Variants in FILIP1L observed in about 807,000 individuals in gnomAD.
FILIP1L encodes filamin A interacting protein 1 like, also known as filamin A-interacting protein 1-like.
FILIP1L carries 55 observed loss-of-function variants against 96.6 expected under a neutral mutation model. The observed-to-expected ratio is 0.57, with a 90% CI of 0.46 to 0.71. FILIP1L has a LOEUF of 0.71. Among genes scored for constraint, FILIP1L ranks in the 30% least tolerant of loss-of-function variants. The pLI is 0.00. For synonymous variants in FILIP1L, 467 were observed against 473.9 expected, an observed-to-expected ratio of 0.99 and a Z score of 0.19; for missense variants, 1,304 against 1,321.2, an observed-to-expected ratio of 0.99 and a Z score of 0.20.
At chr3:100,102,145 A>T (rs1398403619) in intron 1 of FILIP1L, among the ~76,000 whole-genome samples, 3 of 152,170 alleles carry the variant, frequency 2.0e-5, no homozygotes, top group African/African-American at 7.2e-5. Context: ...CAGTAATGGG[A>T]TTGCTGGGTC....
At chr3:100,005,096 T>C (rs1343189989) in intron 1 of FILIP1L, among the ~76,000 whole-genome samples, 1 of 152,158 alleles carries the variant, frequency 6.6e-6, no homozygotes, top group Non-Finnish European at 1.5e-5. Context: ...CTCTTATGAA[T>C]AGGAAAGCCA....
chr3:99,895,062 T>TA (rs1364830132), intron 4 of FILIP1L, among the ~76,000 whole-genome samples: 2 of 152,092 alleles, frequency 1.3e-5, no homozygotes, highest in African/African-American at 4.8e-5. Flanking sequence ...GCTCTGGAAA[T>TA]ACTCTTGCCC....
rs80153658 is a variant in FILIP1L, at chr3:99,873,789, C to T, written c.606-22719G>A. Among the ~76,000 whole-genome samples the T allele has an allele frequency of 4.4e-3, 664 of 152,266 alleles. 6 individuals carry two copies. The highest frequency in any genetic ancestry group is 0.016 in the African/African-American group (651 of 41,556). On this transcript the variant is annotated intron_variant, in intron 4 of 5. Transcript: ENST00000477258. ...TCAAGGCTTGATTTGTGTTTTCATA[C>T]TGGCTGTTACTATAGTCTCCATCAC...
chr3:100,052,528 G>A (rs1376229296), intron 1 of FILIP1L, among the ~76,000 whole-genome samples: 2 of 152,136 alleles, frequency 1.3e-5, no homozygotes, highest in Admixed American at 6.5e-5. Flanking sequence ...GAACCTCTAA[G>A]TGAAACTGAT....
At chr3:99,989,985 C>T (rs924412365) in intron 1 of FILIP1L, among the ~76,000 whole-genome samples, 7 of 152,122 alleles carry the variant, frequency 4.6e-5, no homozygotes, top group African/African-American at 1.7e-4. Context: ...GCAATAATGC[C>T]AGTGGTTTAT....
chr3:100,018,064 C>T (rs1710396275), intron 1 of FILIP1L, among the ~76,000 whole-genome samples: 1 of 151,798 alleles, frequency 6.6e-6, no homozygotes, highest in South Asian at 2.1e-4. Context: ...TCCAGGGGCT[C>T]ACGCCTGTAA....
intron 1 of FILIP1L, among the ~76,000 whole-genome samples, chr3:99,937,467 A>G (rs1343239378): frequency 2.6e-5 from 4 of 152,214 alleles, no homozygotes; most frequent in African/African-American, 9.7e-5. Context: ...ACATGTCTTA[A>G]TAGAAAGAGT....
At chr3:100,026,508 C>G (rs1013733659) in intron 1 of FILIP1L, among the ~76,000 whole-genome samples, 4 of 152,002 alleles carry the variant, frequency 2.6e-5, no homozygotes, top group African/African-American at 9.7e-5. Context: ...TTGACCAGAT[C>G]TTCCAGTATT....
At chr3:99,905,835 G>C (rs1706598255) in intron 4 of FILIP1L, among the ~76,000 whole-genome samples, 1 of 152,192 alleles carries the variant, frequency 6.6e-6, no homozygotes, top group South Asian at 2.1e-4. Context: ...AATTTACATT[G>C]CCATCAGAAA....
intron 5 of FILIP1L, among the ~76,000 whole-genome samples, chr3:99,832,379 C>T (rs1478275497): frequency 6.6e-6 from 1 of 150,924 alleles, no homozygotes; most frequent in Non-Finnish European, 1.5e-5. Flanking sequence ...CACAGGCGAC[C>T]GCCACCACGC....
intron 4 of FILIP1L, among the ~76,000 whole-genome samples, chr3:99,883,214 A>AT (rs1448140529): frequency 1.3e-5 from 2 of 152,274 alleles, no homozygotes; most frequent in Admixed American, 6.5e-5. Flanking sequence ...AGCTCCAGAG[A>AT]TTTTTTACTT....
At chr3:99,983,502 ATATATATG>A (rs1328190251) in intron 1 of FILIP1L, among the ~76,000 whole-genome samples, 9 of 112,982 alleles carry the variant, frequency 8.0e-5, no homozygotes, top group African/African-American at 2.9e-4. Flanking sequence ...ATATATATAT[ATATATATG>A]TATATATATA....
chr3:99,909,793 A>G (rs1245340432), intron 4 of FILIP1L, among the ~76,000 whole-genome samples: 1 of 152,176 alleles, frequency 6.6e-6, no homozygotes, highest in Admixed American at 6.5e-5. Context: ...TTTTTATTCC[A>G]TTTCCATTCA....
intron 1 of FILIP1L, among the ~76,000 whole-genome samples, chr3:100,091,284 CA>C (rs570908389): frequency 0.028 from 1,677 of 59,062 alleles, 18 homozygotes; most frequent in African/African-American, 0.081. Flanking sequence ...GACTCCGTCT[CA>C]AAAAAAAAAA....
Position 100,092,811 on chromosome 3 carries a change from A to T in FILIP1L, c.-11+21242T>A, listed in dbSNP as rs1299262595. 2.0e-5 allele frequency among the ~76,000 whole-genome samples: 3 copies of T among 151,740 alleles called. No individual in the cohort carries two copies. The East Asian group carries it at 5.8e-4, about 29-fold the overall frequency. On this transcript the variant is annotated intron_variant, in intron 1 of 5. Transcript: ENST00000477258. ...TAGAATTAAGTGACTAAGGATCAGA[A>T]GTATCTATTACCTCTGTATTGGGAT...
chr3:100,013,237 G>GTTT (rs1308599680), intron 1 of FILIP1L, among the ~76,000 whole-genome samples: 2 of 151,094 alleles, frequency 1.3e-5, no homozygotes, highest in African/African-American at 4.9e-5. Flanking sequence ...TGTTGTTGTT[G>GTTT]TTGTTGTTGT....
intron 1 of FILIP1L, among the ~76,000 whole-genome samples, chr3:99,993,404 A>G (rs186408780): frequency 6.6e-6 from 1 of 152,174 alleles, no homozygotes; most frequent in Admixed American, 6.5e-5. Context: ...TTCTAGATAT[A>G]AGATCATATC....
At chr3:99,848,274 T>C (rs1326348068) in intron 5 of FILIP1L, 21 bp downstream of exon 5, 2 of 1,611,538 alleles carry the variant, frequency 1.2e-6, no homozygotes, top group Non-Finnish European at 1.7e-6. Context: ...GTGAGCGTGG[T>C]CAGTTATATA....
At chr3:99,951,588 G>A (rs1708178764) in intron 1 of FILIP1L, among the ~76,000 whole-genome samples, 1 of 152,098 alleles carries the variant, frequency 6.6e-6, no homozygotes, top group South Asian at 2.1e-4. Context: ...GAGAAATAGT[G>A]ATGAAGCAAG....
Sources: gnomAD v4.1 joint callset for allele counts (sites outside exome capture counted in the v4.1 genomes callset) on GRCh38, gnomAD v4.1.1 for gene constraint, MANE v1.5 for transcripts, NCBI Gene and HGNC (gene_info 2026-07-23, HGNC 2026-07-21) for gene names.